USP25: variants seen among roughly 807,000 people sequenced by gnomAD.
USP25 encodes the protein ubiquitin specific peptidase 25.
Under a neutral mutation model 158.5 loss-of-function variants are expected in USP25, and 85 were observed. The observed-to-expected ratio is 0.54, with a 90% CI of 0.45 to 0.64. The LOEUF is 0.64. Ranked by LOEUF, USP25 falls within the 30% of genes least tolerant of loss-of-function variation. The pLI, the probability that USP25 is intolerant of heterozygous loss-of-function variation, is 0.00. For missense variants in USP25, 1,242 were observed against 1,327.3 expected (o/e 0.94, Z 1.00); for synonymous variants, 464 against 460.4 (o/e 1.01, Z -0.10).
rs182531594 is a variant in USP25, at chr21:15,827,741, G to A, written c.1693+538G>A. 3.4e-5 allele frequency among the ~76,000 whole-genome samples: 5 copies of A among 148,454 alleles called. No individual in the cohort carries two copies. In the East Asian group the frequency reaches 7.9e-4, roughly 23 times the overall value. Reference sequence around the variant, plus strand: ...AAAATAAGGACAGTGCTCTGGGTGGGGTGTGTGCACTTGTGTGCGTGTGCG... The same window carrying A: ...AAAATAAGGACAGTGCTCTGGGTGGAGTGTGTGCACTTGTGTGCGTGTGCG... On this transcript the variant is annotated intron_variant, in intron 14 of 25. Coordinates refer to ENST00000400183, the MANE Select transcript of USP25 (RefSeq NM_001283041.3).
At chr21:15,743,338 G>A (rs938651558) in intron 1 of USP25, among the ~76,000 whole-genome samples, 5 of 152,142 alleles carry the variant, frequency 3.3e-5, no homozygotes, top group African/African-American at 1.2e-4. Flanking sequence ...GCGAGTTCTG[G>A]GTTTTTGTCC....
intron 1 of USP25, among the ~76,000 whole-genome samples, chr21:15,755,893 G>A (rs1191131581): frequency 1.3e-5 from 2 of 152,182 alleles, no homozygotes; most frequent in Non-Finnish European, 2.9e-5. Flanking sequence ...GGCAATTTTA[G>A]AGGAAGAGTA....
intron 4 of USP25, among the ~76,000 whole-genome samples, chr21:15,790,650 C>CT (rs77394054): frequency 0.061 from 7,744 of 126,458 alleles, 250 homozygotes; most frequent in African/African-American, 0.087. Context: ...TAACAAGTTT[C>CT]TTTTTTTTTT....
intron 6 of USP25, among the ~76,000 whole-genome samples, chr21:15,803,084 C>T (rs1031676158): frequency 2.0e-5 from 3 of 151,640 alleles, no homozygotes; most frequent in African/African-American, 7.3e-5. Flanking sequence ...AATAGATAAC[C>T]TGTGGTAGCC....
intron 4 of USP25, among the ~76,000 whole-genome samples, chr21:15,785,369 A>G (rs879582199): frequency 1.1e-4 from 16 of 152,210 alleles, no homozygotes; most frequent in Admixed American, 1.0e-3. Context: ...AAACTACACC[A>G]TGGACATTTA....
Position 15,766,155 on chromosome 21 carries a change from C to G in USP25, c.268+14C>G. ...AAGCAGATACAAGTAAGTTTTCTTT[C>G]TTTTCTTATTATTTTAATAGAAACA... is the stretch of plus-strand genomic sequence containing the variant. On this transcript the variant is annotated intron_variant, in intron 3 of 25. Transcript: ENST00000400183. The surrounding 1 kb of genome is among the most constrained non-coding windows in gnomAD (Gnocchi z 4.0). 6.3e-7 allele frequency: 1 copy of G among 1,577,972 alleles called. No homozygotes were observed. Among genetic ancestry groups the G allele is most frequent in the South Asian group, 1.2e-5 (1 of 85,800 alleles).
At chr21:15,775,122 A>G (rs2034562439) in intron 3 of USP25, among the ~76,000 whole-genome samples, 2 of 152,132 alleles carry the variant, frequency 1.3e-5, no homozygotes, top group Non-Finnish European at 1.5e-5. Flanking sequence ...GATGTGCTTC[A>G]TTTCTCAGAA....
At chr21:15,795,374 AAT>A (rs2035809969) in intron 5 of USP25, among the ~76,000 whole-genome samples, 4 of 151,652 alleles carry the variant, frequency 2.6e-5, no homozygotes, top group African/African-American at 9.7e-5. Context: ...TATATACTTT[AAT>A]ATTTTCTAAA....
At chr21:15,759,755 G>GTC (rs2033616362) in intron 1 of USP25, among the ~76,000 whole-genome samples, 1 of 152,154 alleles carries the variant, frequency 6.6e-6, no homozygotes, top group Non-Finnish European at 1.5e-5. Flanking sequence ...ACTGAGGCAT[G>GTC]TCTACCCCCC....
chr21:15,775,215 G>T (rs2034570447), intron 3 of USP25, among the ~76,000 whole-genome samples: 1 of 152,154 alleles, frequency 6.6e-6, no homozygotes, highest in South Asian at 2.1e-4. Flanking sequence ...TACAATTGAT[G>T]AATTAGGAAA....
At chr21:15,842,305 C>A in intron 17 of USP25, 93 bp from the exon 18 acceptor site, 1 of 1,367,946 alleles carries the variant, frequency 7.3e-7, no homozygotes, top group East Asian at 2.5e-5. Flanking sequence ...TTGGTTCTTA[C>A]ATAACTTCAG....
intron 3 of USP25, among the ~76,000 whole-genome samples, chr21:15,769,961 A>G (rs937430721): frequency 6.6e-6 from 1 of 151,978 alleles, no homozygotes; most frequent in Non-Finnish European, 1.5e-5. Flanking sequence ...AAAAATTTAT[A>G]AGCCGTTTTT....
At chr21:15,855,018 A>C (rs1654960875) in intron 20 of USP25, among the ~76,000 whole-genome samples, 3 of 152,220 alleles carry the variant, frequency 2.0e-5, no homozygotes, top group Admixed American at 2.0e-4. Context: ...ATGATAAGCA[A>C]AAATAAAAGC....
At chr21:15,783,220 AG>A (rs905822028) in intron 4 of USP25, among the ~76,000 whole-genome samples, 2 of 151,930 alleles carry the variant, frequency 1.3e-5, no homozygotes, top group African/African-American at 4.8e-5. Context: ...AAAAAAAAAA[AG>A]AATAACAAAG....
At chr21:15,810,615 GTT>G (rs940087279) in intron 8 of USP25, among the ~76,000 whole-genome samples, 6 of 152,164 alleles carry the variant, frequency 3.9e-5, no homozygotes, top group Admixed American at 3.3e-4. Flanking sequence ...TGAAGTAGCT[GTT>G]CAGCTACTTT....
intron 4 of USP25, among the ~76,000 whole-genome samples, chr21:15,785,208 TAA>T (rs2035204393): frequency 6.6e-6 from 1 of 152,000 alleles, no homozygotes; most frequent in African/African-American, 2.4e-5. Flanking sequence ...AGCAAAACTG[TAA>T]ATATATAAGC....
chr21:15,820,017 T>C (rs1043723532), intron 10 of USP25, among the ~76,000 whole-genome samples: 3 of 152,034 alleles, frequency 2.0e-5, no homozygotes, highest in South Asian at 2.1e-4. Flanking sequence ...GGGTCTACGA[T>C]AGGGATGTGG....
At chr21:15,804,274 G>C (rs2036268664) in intron 6 of USP25, among the ~76,000 whole-genome samples, 1 of 151,604 alleles carries the variant, frequency 6.6e-6, no homozygotes, top group South Asian at 2.1e-4. Context: ...TCTTGTCTTT[G>C]AGAATCTTAT....
chr21:15,750,918 C>A (rs2032966162), intron 1 of USP25, among the ~76,000 whole-genome samples: 1 of 152,066 alleles, frequency 6.6e-6, no homozygotes, highest in African/African-American at 2.4e-5. Context: ...GCGCCTGGCC[C>A]TTTTTTTCTC....
Sources: gnomAD v4.1 joint callset for allele counts (sites outside exome capture counted in the v4.1 genomes callset) on GRCh38, gnomAD v4.1.1 for gene constraint, Gnocchi (gnomAD v3.1) non-coding constraint, MANE v1.5 for transcripts, NCBI Gene and HGNC (gene_info 2026-07-23, HGNC 2026-07-21) for gene names.